The following HPSE2 variants were observed in gnomAD, a reference collection of about 807,000 sequenced individuals.
HPSE2 encodes the protein inactive heparanase-2.
A neutral mutation model predicts 60.5 loss-of-function variants in HPSE2; 38 were observed. That is an observed-to-expected ratio of 0.63 (90% CI 0.48 to 0.82). The LOEUF is 0.82. HPSE2 is among the 40% of genes least tolerant of loss of function. The pLI, the probability that HPSE2 is intolerant of heterozygous loss-of-function variation, is 0.00. For synonymous variants in HPSE2, 295 were observed against 293.2 expected (o/e 1.01, Z -0.06); for missense variants, 713 against 740.4 (o/e 0.96, Z 0.43).
the HPSE2 span, among the ~76,000 whole-genome samples, chr10:99,300,799 T>C: frequency 1.3e-5 from 2 of 152,166 alleles, no homozygotes; most frequent in Non-Finnish European, 2.9e-5. Context: ...ATACCCCCAG[T>C]TGAGGTTGTT....
intron 3 of HPSE2, among the ~76,000 whole-genome samples, chr10:98,954,288 G>C (rs561347983): frequency 4.6e-5 from 7 of 152,002 alleles, no homozygotes; most frequent in African/African-American, 7.2e-5. Flanking sequence ...GCCTAGGCGA[G>C]AGAGTGAGAC....
chr10:98,812,021 C>T (rs1053253146), intron 3 of HPSE2, among the ~76,000 whole-genome samples: 3 of 151,990 alleles, frequency 2.0e-5, no homozygotes, highest in African/African-American at 7.2e-5. Context: ...GTATCCTTCA[C>T]CTTATTAATC....
At chr10:98,607,647 T>C (rs924679297) in intron 9 of HPSE2, among the ~76,000 whole-genome samples, 9 of 152,210 alleles carry the variant, frequency 5.9e-5, no homozygotes, top group Non-Finnish European at 1.2e-4. Flanking sequence ...GGAATCATAG[T>C]TTTCCTTTTT....
chr10:99,103,090 T>C (rs1171946417), intron 3 of HPSE2, among the ~76,000 whole-genome samples: 3 of 152,202 alleles, frequency 2.0e-5, no homozygotes, highest in Non-Finnish European at 4.4e-5. Context: ...GGATGCCCTT[T>C]CTCACCCCTC....
the HPSE2 span, among the ~76,000 whole-genome samples, chr10:99,287,649 T>C: frequency 1.2e-4 from 19 of 152,304 alleles, no homozygotes; most frequent in East Asian, 2.9e-3. Flanking sequence ...TCCAGGATTA[T>C]CACACCAACT....
At chr10:98,748,836 A>G (rs944545223) in intron 3 of HPSE2, among the ~76,000 whole-genome samples, 1 of 152,156 alleles carries the variant, frequency 6.6e-6, no homozygotes, top group Non-Finnish European at 1.5e-5. Flanking sequence ...GTGCTGTTCC[A>G]TAACAGTAGG....
rs1179689093 is a variant in HPSE2, at chr10:99,132,233, G to GAAAGAAAGAA, written c.610+12004_610+12005insTTCTTTCTTT. On this transcript the variant is annotated intron_variant, in intron 3 of 11. Coordinates refer to ENST00000370552, the MANE Select transcript of HPSE2 (RefSeq NM_021828.5). The stretch of plus-strand genomic sequence containing the variant: ...AGAGAGAGAGAGAGAGAGAGAGAGA[G>GAAAGAAAGAA]AGAGAGAGAGAAAGAAAGAAAGAAA... 1.6e-3 allele frequency among the ~76,000 whole-genome samples: 29 copies of GAAAGAAAGAA among 17,602 alleles called. 2 individuals are homozygous for GAAAGAAAGAA. The highest frequency in any genetic ancestry group is 0.01 in the East Asian group (3 of 290). 11.5% of individuals were successfully genotyped at this position (17,602 alleles called of 152,430 possible).
chr10:98,636,264 G>C (rs900225101), intron 7 of HPSE2, among the ~76,000 whole-genome samples: 16 of 149,794 alleles, frequency 1.1e-4, no homozygotes, highest in African/African-American at 3.9e-4. Flanking sequence ...TTTTGAAACA[G>C]AGTCTCGCTC....
intron 11 of HPSE2, among the ~76,000 whole-genome samples, chr10:98,463,339 T>G (rs1940385264): frequency 6.6e-6 from 1 of 152,226 alleles, no homozygotes; most frequent in East Asian, 1.9e-4. Context: ...CGCAGACCTC[T>G]GGGAGTGGGC....
At chr10:98,922,030 T>C (rs1954296332) in intron 3 of HPSE2, among the ~76,000 whole-genome samples, 1 of 152,192 alleles carries the variant, frequency 6.6e-6, no homozygotes, top group South Asian at 2.1e-4. Flanking sequence ...ACATTTAAAA[T>C]TTTAAATTTT....
intron 3 of HPSE2, among the ~76,000 whole-genome samples, chr10:99,127,322 G>A (rs1845200715): frequency 6.6e-6 from 1 of 152,134 alleles, no homozygotes; most frequent in Non-Finnish European, 1.5e-5. Flanking sequence ...TTCTGGAAAT[G>A]AAAGACACAC....
At chr10:98,904,754 A>C (rs1389284303) in intron 3 of HPSE2, among the ~76,000 whole-genome samples, 1 of 152,204 alleles carries the variant, frequency 6.6e-6, no homozygotes, top group African/African-American at 2.4e-5. Flanking sequence ...AATGGAAGAA[A>C]TTATAAGCTA....
intron 6 of HPSE2, among the ~76,000 whole-genome samples, chr10:98,650,789 A>G (rs1040597333): frequency 3.3e-5 from 5 of 152,232 alleles, no homozygotes; most frequent in Non-Finnish European, 7.3e-5. Context: ...TTGATGACAT[A>G]GAATATTCTC....
chr10:99,250,831 G>A, the HPSE2 span, among the ~76,000 whole-genome samples: 1 of 152,024 alleles, frequency 6.6e-6, no homozygotes, highest in Non-Finnish European at 1.5e-5. Flanking sequence ...ACACAACATA[G>A]CAAAATCCCT....
intron 8 of HPSE2, among the ~76,000 whole-genome samples, chr10:98,618,390 C>T (rs1945977891): frequency 6.6e-6 from 1 of 152,136 alleles, no homozygotes; most frequent in Non-Finnish European, 1.5e-5. Flanking sequence ...GGGAAGAATG[C>T]TCACAAAACC....
chr10:99,057,170 GTAAGA>G, intron 3 of HPSE2, among the ~76,000 whole-genome samples: 1 of 152,220 alleles, frequency 6.6e-6, no homozygotes. Context: ...AATTGTACAT[GTAAGA>G]TGTTTGCATT....
chr10:98,768,760 T>C (rs72836718), intron 3 of HPSE2, among the ~76,000 whole-genome samples: 2,289 of 152,314 alleles, frequency 0.015, 32 homozygotes, highest in African/African-American at 0.03. Flanking sequence ...TCAATAATAA[T>C]ACTTGTCTCA....
At chr10:98,577,227 A>G (rs1436792029) in intron 9 of HPSE2, among the ~76,000 whole-genome samples, 2 of 151,978 alleles carry the variant, frequency 1.3e-5, no homozygotes, top group Non-Finnish European at 2.9e-5. Flanking sequence ...GTCTTTATCA[A>G]TATGATTTTA....
chr10:99,184,813 TATATATAGAGAGAGAGAGAGAG>T lies in HPSE2; in HGVS notation c.449-40436_449-40415del, dbSNP rs1271660296. 3.7e-3 allele frequency among the ~76,000 whole-genome samples: 116 copies of T among 30,962 alleles called. 3 individuals carry two copies. The highest frequency in any genetic ancestry group is 6.8e-3 in the Admixed American group (17 of 2,486). The allele number at this position is 30,962 out of a possible 152,430, so 20.3% of individuals were successfully genotyped here. A position where few individuals can be genotyped will look rare whatever the true frequency, so the allele number is the denominator to read the frequency against. On this transcript the variant is annotated intron_variant, in intron 2 of 11. Coordinates refer to ENST00000370552, the MANE Select transcript of HPSE2 (RefSeq NM_021828.5). ...ATATATATATATATATATATATATA[TATATATAGAGAGAGAGAGAGAG>T]AGAGAGAGAGAGAGAGAGAGAGAGA...
Sources: allele counts gnomAD v4.1 joint callset (sites outside exome capture counted in the v4.1 genomes callset), GRCh38; gene constraint gnomAD v4.1.1; transcripts MANE v1.5; gene names NCBI Gene and HGNC (gene_info 2026-07-23, HGNC 2026-07-21).